TEX264: variants seen among roughly 807,000 people sequenced by gnomAD.
TEX264 encodes testis expressed 264, ER-phagy receptor.
A neutral mutation model predicts 23.4 loss-of-function variants in TEX264; 13 were observed. The ratio of observed to expected loss-of-function variants is 0.56; its 90% CI spans 0.36 to 0.88. TEX264 has a LOEUF of 0.88. Ranked by LOEUF, TEX264 falls within the 40% of genes least tolerant of loss-of-function variation. The pLI is 0.01. For missense variants in TEX264, 340 were observed against 406.8 expected (o/e 0.84, Z 1.41); for synonymous variants, 159 against 170.0 (o/e 0.94, Z 0.50).
chr3:51,694,991 G>A (rs536805403), intron 3 of TEX264, among the ~76,000 whole-genome samples: 2 of 152,344 alleles, frequency 1.3e-5, no homozygotes, highest in South Asian at 4.1e-4. Context: ...AAGCATGCAC[G>A]TGCCATGAAG....
chr3:51,676,561 C>T (rs1479063405), intron 2 of TEX264, among the ~76,000 whole-genome samples: 1 of 152,194 alleles, frequency 6.6e-6, no homozygotes, highest in Non-Finnish European at 1.5e-5. Flanking sequence ...TTGAGGCTAG[C>T]AGTCCCGAGT....
At chr3:51,680,302 G>C (rs1017325530) in intron 2 of TEX264, among the ~76,000 whole-genome samples, 4 of 152,214 alleles carry the variant, frequency 2.6e-5, no homozygotes, top group African/African-American at 9.6e-5. Context: ...GTCTTGTCCA[G>C]TTCCCAGACT....
intron 3 of TEX264, chr3:51,694,430 C>CAAAGAGGG (rs1702979347): frequency 6.6e-6 from 1 of 152,090 alleles, no homozygotes; most frequent in African/African-American, 2.4e-5. Flanking sequence ...CGCGCCTGGC[C>CAAAGAGGG]AAAGAGGGAA....
Position 51,673,434 on chromosome 3 carries a change from C to T in TEX264, c.-34-837C>T, listed in dbSNP as rs75862820. ...TGTTCCTGGGACTGCTCTTGAACAG[C>T]TTCTTTTCCTCTTAGGGATAATTGT... On this transcript the variant is annotated intron_variant, in intron 1 of 4. Coordinates refer to ENST00000341333, the MANE Select transcript of TEX264 (RefSeq NM_015926.6). Among the ~76,000 whole-genome samples, 163 of 152,326 alleles carry T rather than the reference C, an allele frequency of 1.1e-3. 6 individuals carry two copies. The East Asian group carries it at 0.027, about 25-fold the overall frequency.
At chr3:51,685,286 C>T (rs1702581711) in intron 3 of TEX264, among the ~76,000 whole-genome samples, 1 of 152,196 alleles carries the variant, frequency 6.6e-6, no homozygotes, top group African/African-American at 2.4e-5. Flanking sequence ...GTTTTGTAAA[C>T]TTGGTTGCTA....
At chr3:51,677,781 T>C (rs975166672) in intron 2 of TEX264, among the ~76,000 whole-genome samples, 1 of 152,208 alleles carries the variant, frequency 6.6e-6, no homozygotes, top group Non-Finnish European at 1.5e-5. Flanking sequence ...CTGCTGGAGC[T>C]GTTAGCCTTG....
intron 4 of TEX264, among the ~76,000 whole-genome samples, chr3:51,702,533 A>C (rs902498649): frequency 6.6e-6 from 1 of 151,766 alleles, no homozygotes; most frequent in Non-Finnish European, 1.5e-5. Flanking sequence ...TTTGAGGCTC[A>C]AGGAAAGCCC....
intron 2 of TEX264, among the ~76,000 whole-genome samples, chr3:51,677,512 G>A (rs997959510): frequency 2.0e-5 from 3 of 152,204 alleles, no homozygotes; most frequent in Non-Finnish European, 4.4e-5. Context: ...CTCTGTGAGT[G>A]TGGGGAGGCA....
Position 51,678,499 on chromosome 3 carries a change from C to T in TEX264, c.258+3937C>T, listed in dbSNP as rs116737833. 9.1e-3 allele frequency among the ~76,000 whole-genome samples: 1,389 copies of T among 152,330 alleles called. 32 individuals are homozygous for T. Among genetic ancestry groups the T allele is most frequent in the African/African-American group, 0.032 (1,337 of 41,576 alleles). On this transcript the variant is annotated intron_variant, in intron 2 of 4. Coordinates refer to ENST00000341333, the MANE Select transcript of TEX264 (RefSeq NM_015926.6). The stretch of plus-strand genomic sequence containing the variant: ...GGCTGGGGCAAGATGGGTGTGGCAG[C>T]TAGTTCAATTTATGTGGCCCAAGTG...
At chr3:51,699,755 C>CA (rs1325002437) in intron 4 of TEX264, among the ~76,000 whole-genome samples, 181 bp downstream of exon 4, 1 of 152,080 alleles carries the variant, frequency 6.6e-6, no homozygotes, top group African/African-American at 2.4e-5. Context: ...TGCCTGTTCC[C>CA]AGACACATGG....
intron 2 of TEX264, among the ~76,000 whole-genome samples, chr3:51,677,099 ACTGGTCCGGAAGGACCTGAGGCCTC>A (rs1702256647): frequency 6.6e-6 from 1 of 152,230 alleles, no homozygotes; most frequent in African/African-American, 2.4e-5. Flanking sequence ...GCTATCACAG[ACTGGTCCGGAAGGACCTGAGGCCTC>A]CTGGTCCACA....
intron 3 of TEX264, among the ~76,000 whole-genome samples, chr3:51,688,515 C>T (rs184565806): frequency 1.2e-3 from 190 of 152,300 alleles, no homozygotes; most frequent in Middle Eastern, 3.4e-3. Context: ...CTCCCAGACC[C>T]GTCCAGAATC....
At chr3:51,685,339 A>G (rs1318985073) in intron 3 of TEX264, among the ~76,000 whole-genome samples, 1 of 152,236 alleles carries the variant, frequency 6.6e-6, no homozygotes. Flanking sequence ...TTGTTCATTC[A>G]TTTAACTTGT....
At chr3:51,699,298 C>T in intron 3 of TEX264, 108 bp from the exon 4 acceptor site, 2 of 1,214,348 alleles carry the variant, frequency 1.6e-6, no homozygotes, top group East Asian at 2.4e-5. Context: ...AGAGGCAGAG[C>T]CAGCCCCTGG....
chr3:51,689,551 C>T (rs1702752168), intron 3 of TEX264, among the ~76,000 whole-genome samples: 1 of 152,048 alleles, frequency 6.6e-6, no homozygotes, highest in Admixed American at 6.6e-5. Context: ...CTGAGGTGCC[C>T]TGTGGCTATC....
intron 2 of TEX264, among the ~76,000 whole-genome samples, chr3:51,677,106 C>T (rs886419423): frequency 6.6e-6 from 1 of 152,200 alleles, no homozygotes; most frequent in African/African-American, 2.4e-5. Flanking sequence ...CAGACTGGTC[C>T]GGAAGGACCT....
intron 3 of TEX264, among the ~76,000 whole-genome samples, chr3:51,687,227 G>A (rs1577510915): frequency 6.6e-6 from 1 of 152,250 alleles, no homozygotes; most frequent in Admixed American, 6.5e-5. Context: ...AGGCATGGCC[G>A]AAGGTCCTGG....
At position 51,686,233 on chromosome 3, in the gene TEX264, C is replaced by T. The variant is rs567583202; in HGVS notation, c.480+1599C>T. Among the ~76,000 whole-genome samples the T allele has an allele frequency of 1.9e-3, 284 of 152,252 alleles. No homozygotes were observed. The highest frequency in any genetic ancestry group is 3.4e-3 in the Middle Eastern group (1 of 294). ...CTGTGCCTCCCTGCCTCTGTGGGAC[C>T]AGGTAGGCAGTGGACAGCCTGTGGC... is the stretch of plus-strand genomic sequence containing the variant. On this transcript the variant is annotated intron_variant, in intron 3 of 4. Transcript: ENST00000341333. The surrounding 1 kb of genome is among the most constrained non-coding windows in gnomAD (Gnocchi z 4.1).
intron 3 of TEX264, among the ~76,000 whole-genome samples, chr3:51,688,876 C>T (rs1184958446): frequency 6.6e-6 from 1 of 152,044 alleles, no homozygotes; most frequent in African/African-American, 2.4e-5. Context: ...CCTGTAATCC[C>T]AACACTTTGG....
Sources: gnomAD v4.1 joint callset for allele counts (sites outside exome capture counted in the v4.1 genomes callset) on GRCh38, gnomAD v4.1.1 for gene constraint, Gnocchi (gnomAD v3.1) non-coding constraint, MANE v1.5 for transcripts, NCBI Gene and HGNC (gene_info 2026-07-23, HGNC 2026-07-21) for gene names.